ADAM18: variants seen among roughly 807,000 people sequenced by gnomAD.
ADAM18 encodes disintegrin and metalloproteinase domain-containing protein 18.
A neutral mutation model predicts 94.4 loss-of-function variants in ADAM18; 117 were observed. The ratio of observed to expected loss-of-function variants is 1.24; its 90% CI spans 1.07 to 1.45. The LOEUF (loss-of-function observed/expected upper bound fraction) is 1.45. Among genes scored for constraint, ADAM18 ranks in the 40% most tolerant of loss-of-function variants. The pLI, the probability that ADAM18 is intolerant of heterozygous loss-of-function variation, is 0.00. For missense variants in ADAM18, 936 were observed against 880.0 expected, an observed-to-expected ratio of 1.06 and a Z score of -0.81; for synonymous variants, 327 against 291.6, an observed-to-expected ratio of 1.12 and a Z score of -1.24.
chr8:39,687,841 G>T (rs546112879), intron 16 of ADAM18, among the ~76,000 whole-genome samples: 1 of 152,200 alleles, frequency 6.6e-6, no homozygotes, highest in South Asian at 2.1e-4. Context: ...CATGGTGTGT[G>T]CGCACCCTGT....
At chr8:39,705,539 A>G (rs1822219298) in intron 17 of ADAM18, among the ~76,000 whole-genome samples, 1 of 152,166 alleles carries the variant, frequency 6.6e-6, no homozygotes, top group African/African-American at 2.4e-5. Flanking sequence ...AGCCTGGGCA[A>G]CAAAGCAAGA....
intron 12 of ADAM18, among the ~76,000 whole-genome samples, chr8:39,658,310 T>G (rs1428375569): frequency 6.6e-6 from 1 of 152,132 alleles, no homozygotes; most frequent in Non-Finnish European, 1.5e-5. Context: ...TTCGCAGGTG[T>G]GATTAAGTTA....
chr8:39,620,000 A>C (rs549332252), intron 6 of ADAM18, among the ~76,000 whole-genome samples: 2 of 152,274 alleles, frequency 1.3e-5, no homozygotes, highest in East Asian at 3.9e-4. Context: ...TGGTATTGGC[A>C]TTAAAACAGA....
chr8:39,671,089 G>A (rs372841650), intron 14 of ADAM18, among the ~76,000 whole-genome samples: 4 of 152,098 alleles, frequency 2.6e-5, no homozygotes, highest in South Asian at 2.1e-4. Context: ...AGCCTTCATC[G>A]TATGCCTCAA....
intron 6 of ADAM18, among the ~76,000 whole-genome samples, chr8:39,623,763 A>AT: frequency 6.6e-6 from 1 of 151,784 alleles, no homozygotes; most frequent in Non-Finnish European, 1.5e-5. Flanking sequence ...TGCCCGGCTA[A>AT]TTTTTTGTAT....
chr8:39,680,341 T>C (rs371302366), intron 16 of ADAM18, 115 bp downstream of exon 16: 1 of 981,918 alleles, frequency 1.0e-6, no homozygotes, highest in Non-Finnish European at 1.5e-6. Flanking sequence ...TGTGCTGGCA[T>C]TTATTTCCCA....
intron 2 of ADAM18, among the ~76,000 whole-genome samples, chr8:39,594,432 C>T (rs1402634625): frequency 6.6e-6 from 1 of 152,096 alleles, no homozygotes; most frequent in African/African-American, 2.4e-5. Context: ...CTGGGTGTTT[C>T]AATCCTTCCT....
At position 39,677,414 on chromosome 8, in the gene ADAM18, C is replaced by T; in HGVS notation, c.1526-17C>T. 1 of 1,566,476 alleles carries T rather than the reference C, an allele frequency of 6.4e-7. No individual in the cohort carries two copies. The highest frequency in any genetic ancestry group is 1.9e-5 in the Admixed American group (1 of 53,214). ...ATATTAAGAATGATAATTCAACTGA[C>T]ATGTTTGCATTTTAAGGTGCTCAAG... On this transcript the variant is annotated splice_polypyrimidine_tract_variant and intron_variant, in intron 14 of 19. Coordinates refer to ENST00000265707, the MANE Select transcript of ADAM18 (RefSeq NM_014237.3).
chr8:39,722,098 G>A (rs7832208), intron 18 of ADAM18, among the ~76,000 whole-genome samples: 37,700 of 148,160 alleles, frequency 0.25, 5,014 homozygotes, highest in South Asian at 0.34. Context: ...ATGGAGGACT[G>A]GATAAAGAAC....
intron 7 of ADAM18, among the ~76,000 whole-genome samples, chr8:39,631,826 T>C (rs1819939248): frequency 6.6e-6 from 1 of 152,030 alleles, no homozygotes; most frequent in Non-Finnish European, 1.5e-5. Flanking sequence ...ACATTCGTCT[T>C]TACATTTTTT....
At chr8:39,710,829 G>A (rs1437297435) in intron 18 of ADAM18, among the ~76,000 whole-genome samples, 5 of 152,020 alleles carry the variant, frequency 3.3e-5, no homozygotes, top group Non-Finnish European at 7.4e-5. Flanking sequence ...AAAATAACTA[G>A]GAATTTAACA....
intron 2 of ADAM18, among the ~76,000 whole-genome samples, chr8:39,593,429 AG>A (rs1818638735): frequency 6.6e-6 from 1 of 152,188 alleles, no homozygotes; most frequent in Non-Finnish European, 1.5e-5. Context: ...AATAACCTCG[AG>A]TAGCCAAAGC....
chr8:39,626,627 A>C (rs887081502), intron 6 of ADAM18, among the ~76,000 whole-genome samples: 19 of 151,976 alleles, frequency 1.3e-4, no homozygotes, highest in Non-Finnish European at 2.5e-4. Context: ...ATTTTGAAGA[A>C]TTTTTAAATT....
chr8:39,648,550 C>T (rs371248394), intron 12 of ADAM18, 23 bp downstream of exon 12: 38 of 1,567,468 alleles, frequency 2.4e-5, no homozygotes, highest in Non-Finnish European at 2.4e-5. Context: ...GATTGAAACT[C>T]GAGCACAATT....
chr8:39,696,575 A>G (rs898942788), intron 17 of ADAM18, among the ~76,000 whole-genome samples: 1 of 151,530 alleles, frequency 6.6e-6, no homozygotes, highest in Admixed American at 6.6e-5. Context: ...GAGTCTAACT[A>G]TATTTTTACA....
chr8:39,706,197 G>T (rs1822237618), intron 17 of ADAM18, among the ~76,000 whole-genome samples: 1 of 152,118 alleles, frequency 6.6e-6, no homozygotes, highest in South Asian at 2.1e-4. Context: ...TCTAGCAATG[G>T]AATCTTATCA....
At chr8:39,611,596 G>GAT in intron 6 of ADAM18, 7 of 985,162 alleles carry the variant, frequency 7.1e-6, no homozygotes, top group Non-Finnish European at 7.2e-6. Flanking sequence ...TCAGGTAAGA[G>GAT]ATATGGAAAG....
At chr8:39,585,531 C>T (rs955789123) in intron 2 of ADAM18, among the ~76,000 whole-genome samples, 179 bp downstream of exon 2, 2 of 152,132 alleles carry the variant, frequency 1.3e-5, no homozygotes, top group African/African-American at 4.8e-5. Flanking sequence ...CTGCTTATTT[C>T]CCTGTCTTTT....
intron 12 of ADAM18, among the ~76,000 whole-genome samples, chr8:39,661,136 C>A (rs1820822049): frequency 1.4e-5 from 2 of 146,944 alleles, no homozygotes; most frequent in Non-Finnish European, 1.5e-5. Flanking sequence ...AACCAAAAAA[C>A]AACTGTTTCT....
Sources: gnomAD v4.1 joint callset for allele counts (sites outside exome capture counted in the v4.1 genomes callset) on GRCh38, gnomAD v4.1.1 for gene constraint, MANE v1.5 for transcripts, NCBI Gene and HGNC (gene_info 2026-07-23, HGNC 2026-07-21) for gene names.